ZNF217: variants seen among roughly 807,000 people sequenced by gnomAD.
ZNF217 encodes zinc finger protein 217.
A neutral mutation model predicts 73.3 loss-of-function variants in ZNF217; 12 were observed. That is an observed-to-expected ratio of 0.16 (90% confidence interval 0.10 to 0.27). ZNF217 has a LOEUF of 0.27. Ranked by LOEUF, ZNF217 falls within the 10% of genes least tolerant of loss-of-function variation. ZNF217 has a pLI of 1.00. For missense variants in ZNF217, 1,195 were observed against 1,327.8 expected (o/e 0.90, Z 1.55); for synonymous variants, 588 against 516.4 (o/e 1.14, Z -1.88).
In ZNF217 at chr20:53,569,220, T is replaced by C; in HGVS notation, c.*68A>G. The C allele has an allele frequency of 7.4e-7, 1 of 1,351,328 alleles. No homozygotes were observed. Among genetic ancestry groups the C allele is most frequent in the Non-Finnish European group, 9.9e-7 (1 of 1,014,386 alleles). The allele number at this position is 1,351,328 out of a possible 1,614,324, so 83.7% of individuals were successfully genotyped here. A position where few individuals can be genotyped will look rare whatever the true frequency, so the allele number is the denominator to read the frequency against. ...ACCATTCGCTTCTCAAAGGATGAAG[T>C]AAAATTTAATTTCATGGGGAGTAAG... is the stretch of plus-strand genomic sequence containing the variant. On this transcript the variant is annotated 3_prime_UTR_variant, in exon 6 of 6. Coordinates refer to ENST00000371471, the MANE Select transcript of ZNF217 (RefSeq NM_006526.3).
Position 53,576,761 on chromosome 20 carries a change from G to C in ZNF217, c.2003C>G (p.Thr668Arg). ...NLEVSPKEKQ[T>R]ETAADCRYRP... The stretch of plus-strand genomic sequence containing the variant: ...GTATCTGCAGTCAGCTGCGGTCTCC[G>C]TTTGCTTCTCTTTGGGGCTAACTTC... Residue 668 changes from threonine to arginine, a missense_variant, in exon 4 of 6, where the codon ACG becomes AGG. Thr to Arg is a moderately conservative substitution (Grantham distance 71, BLOSUM62 -1). Transcript: ENST00000371471. 1 of 1,614,180 alleles carries C rather than the reference G, an allele frequency of 6.2e-7. No homozygotes were observed. Among genetic ancestry groups the C allele is most frequent in the Non-Finnish European group, 8.5e-7 (1 of 1,180,034 alleles).
Position 53,568,837 on chromosome 20 carries a change from C to A in ZNF217, c.*451G>T, listed in dbSNP as rs1364818876. 1.3e-5 allele frequency: 2 copies of A among 157,584 alleles called. No homozygotes were observed. The highest frequency in any genetic ancestry group is 6.5e-5 in the Admixed American group (1 of 15,328). The allele number at this position is 157,584 out of a possible 1,614,324, so 9.8% of individuals were successfully genotyped here. On this transcript the variant is annotated 3_prime_UTR_variant, in exon 6 of 6. Transcript: ENST00000371471. ...TGAGCTGCATTAGAGAAAAGGAATA[C>A]ACACAGTATTTGAACAAGCAGGTTT...
Position 53,576,159 on chromosome 20 carries a change from A to G in ZNF217, c.2605T>C (p.Ser869Pro), listed in dbSNP as rs34533727. ...TTACTGCTGCCGAGGGTGGGCTGAG[A>G]AGGAGCTACTGGAAGAGGTTTCAAT... ...TKLKPLPVAPSQPTLGSSNIN... is the reference protein window; with the variant it reads ...TKLKPLPVAPPQPTLGSSNIN... Residue 869 changes from serine to proline, a missense_variant, in exon 4 of 6, where the codon TCT becomes CCT. Around this residue, in one of 9 missense-constraint regions of ZNF217, gnomAD observed 649 missense variants for 642.8 expected, o/e 1.01. Transcript: ENST00000371471. 1.4e-3 allele frequency: 2,299 copies of G among 1,614,126 alleles called. 41 individuals are homozygous for G. The African/African-American group carries it at 0.027, about 19-fold the overall frequency.
intron 1 of ZNF217, among the ~76,000 whole-genome samples, chr20:53,593,206 A>C (rs1370957188): frequency 6.6e-6 from 1 of 151,594 alleles, no homozygotes; most frequent in Admixed American, 6.6e-5. Context: ...GGTCCCTTAG[A>C]GGCGCCCTCC....
At chr20:53,597,097 G>C (rs73141999), upstream of ZNF217, among the ~76,000 whole-genome samples, 253 of 103,002 alleles carry the variant, frequency 2.5e-3, 1 homozygote, top group South Asian at 0.015. Context: ...AAAAAAAAAA[G>C]AAAAAAAAAA....
At chr20:53,584,768 A>C (rs1269732003) in intron 1 of ZNF217, among the ~76,000 whole-genome samples, 2 of 152,232 alleles carry the variant, frequency 1.3e-5, no homozygotes, top group Non-Finnish European at 2.9e-5. Flanking sequence ...TACTCTGCTA[A>C]TCAGAATGTG....
At chr20:53,572,324 G>A (rs1241628904) in intron 4 of ZNF217, among the ~76,000 whole-genome samples, 1 of 152,026 alleles carries the variant, frequency 6.6e-6, no homozygotes, top group African/African-American at 2.4e-5. Context: ...AGGATGGAAG[G>A]ATTGCTTGAG....
At chr20:53,571,594 CAG>C (rs751470631) in intron 5 of ZNF217, 125 bp downstream of exon 5, 83 of 1,201,174 alleles carry the variant, frequency 6.9e-5, no homozygotes, top group Non-Finnish European at 9.0e-5. Flanking sequence ...TTAGTACAGA[CAG>C]GGGTTTCACC....
intron 1 of ZNF217, among the ~76,000 whole-genome samples, chr20:53,592,124 A>G (rs2145983085): frequency 6.6e-6 from 1 of 152,338 alleles, no homozygotes; most frequent in African/African-American, 2.4e-5. Flanking sequence ...GGCTTCTTAA[A>G]ACATACAGCT....
chr20:53,595,217 G>GA (rs1165190413), upstream of ZNF217, among the ~76,000 whole-genome samples: 1 of 151,988 alleles, frequency 6.6e-6, no homozygotes, highest in Non-Finnish European at 1.5e-5. Context: ...AGGAACCATA[G>GA]ACATAACAAG....
At position 53,576,436 on chromosome 20, in the gene ZNF217, G is replaced by C; in HGVS notation, c.2328C>G (p.Pro776=). The part of the protein sequence containing the change: ...PPLSSFCKPK[P]KSAFPAQSKS... ...TGGACTGCGCCGGGAAAGCAGACTT[G>C]GGCTTGGGTTTACAGAAACTAGAGA... Residue 776 remains proline (P), a synonymous_variant, in exon 4 of 6, where the codon CCC becomes CCG. Transcript: ENST00000371471. 2 of 1,614,176 alleles carry C rather than the reference G, an allele frequency of 1.2e-6. No individual in the cohort carries two copies. The highest frequency in any genetic ancestry group is 1.7e-6 in the Non-Finnish European group (2 of 1,179,970).
rs771606517 is a variant in ZNF217, at chr20:53,577,011, T to A, written c.1753A>T (p.Asn585Tyr). ...QLKEMPSVFQ[N>Y]VLGSAVLSPA... Reference sequence around the variant, plus strand: ...GAGAGGACAGCGCTGCCCAGAACATTCTGAAAAACAGAAGGCATCTCCTTA... The same window carrying A: ...GAGAGGACAGCGCTGCCCAGAACATACTGAAAAACAGAAGGCATCTCCTTA... Residue 585 changes from asparagine to tyrosine, a missense_variant, in exon 4 of 6, where the codon AAT (asparagine) becomes TAT (tyrosine). Transcript: ENST00000371471. The A allele has an allele frequency of 8.7e-6, 14 of 1,614,088 alleles. No homozygotes were observed. The highest frequency in any genetic ancestry group is 1.0e-5 in the Non-Finnish European group (12 of 1,180,036).
At chr20:53,592,894 C>A (rs941026871) in intron 1 of ZNF217, among the ~76,000 whole-genome samples, 2 of 151,334 alleles carry the variant, frequency 1.3e-5, no homozygotes, top group African/African-American at 4.9e-5. Flanking sequence ...GCTAGCATTT[C>A]AATCCTTCCT....
Position 53,577,171 on chromosome 20 carries a change from A to G in ZNF217, c.1593T>C (p.Ala531=), listed in dbSNP as rs1461022554. 3 of 1,613,822 alleles carry G rather than the reference A, an allele frequency of 1.9e-6. No individual in the cohort carries two copies. The East Asian group carries it at 6.7e-5, about 36-fold the overall frequency. ...GATTTTTACCATCGTTCTTGACTTC[A>G]GCAGCAACATCGGTTTGTTTTTCCT... ...HHKEKQTDVA[A]EVKNDGKNQD... is the part of the protein sequence containing the mutation. The change falls in exon 4 of 6, where the codon GCT becomes GCC. Residue 531 remains alanine, a synonymous_variant. Coordinates refer to ENST00000371471, the MANE Select transcript of ZNF217 (RefSeq NM_006526.3).
chr20:53,579,423 G>A (rs1446941801), intron 2 of ZNF217, among the ~76,000 whole-genome samples: 1 of 152,138 alleles, frequency 6.6e-6, no homozygotes, highest in African/African-American at 2.4e-5. Context: ...AAAAAGCCAG[G>A]ATGATAGTAC....
intron 4 of ZNF217, among the ~76,000 whole-genome samples, chr20:53,574,094 G>C (rs1369857482): frequency 1.3e-5 from 2 of 151,684 alleles, no homozygotes; most frequent in Non-Finnish European, 2.9e-5. Flanking sequence ...TCATCTCTTC[G>C]TTATTTATAA....
At chr20:53,588,369 A>G (rs924912916) in intron 1 of ZNF217, among the ~76,000 whole-genome samples, 1 of 152,054 alleles carries the variant, frequency 6.6e-6, no homozygotes, top group African/African-American at 2.4e-5. Flanking sequence ...AGGAAAGTGA[A>G]TTTTTAAAAA....
chr20:53,596,070 C>T (rs1482125929), upstream of ZNF217, among the ~76,000 whole-genome samples: 1 of 152,150 alleles, frequency 6.6e-6, no homozygotes, highest in Non-Finnish European at 1.5e-5. Context: ...AATATTTTGA[C>T]AAATAATCGT....
At position 53,569,258 on chromosome 20, in the gene ZNF217, C is replaced by G. The variant is rs749842319; in HGVS notation, c.*30G>C. On this transcript the variant is annotated 3_prime_UTR_variant, in exon 6 of 6. Coordinates refer to ENST00000371471, the MANE Select transcript of ZNF217 (RefSeq NM_006526.3). Reference sequence around the variant, plus strand: ...CATGGGGAGTAAGCACTGACATCCACCAAGACCTAAGGAAAACAACATTTT... The same window carrying G: ...CATGGGGAGTAAGCACTGACATCCAGCAAGACCTAAGGAAAACAACATTTT... The G allele has an allele frequency of 1.5e-6, 2 of 1,331,674 alleles. No individual in the cohort carries two copies. The highest frequency in any genetic ancestry group is 1.2e-5 in the South Asian group (1 of 81,398). 82.5% of individuals were successfully genotyped at this position (1,331,674 alleles called of 1,614,324 possible). A position where few individuals can be genotyped will look rare whatever the true frequency, so the allele number is the denominator to read the frequency against.
Sources: gnomAD v4.1 joint callset for allele counts (sites outside exome capture counted in the v4.1 genomes callset) on GRCh38, gnomAD v4.1.1 for gene constraint, gnomAD v4.1.1 regional missense constraint, MANE v1.5 for transcripts, NCBI Gene and HGNC (gene_info 2026-07-23, HGNC 2026-07-21) for gene names.